SCFD2: variants seen among roughly 807,000 people sequenced by gnomAD.
SCFD2 encodes the protein sec1 family domain containing 2.
SCFD2 carries 54 observed loss-of-function variants against 58.9 expected under a neutral mutation model. The observed-to-expected ratio is 0.92, with a 90% CI of 0.74 to 1.15. The LOEUF (loss-of-function observed/expected upper bound fraction) is 1.15, where lower values mean the gene tolerates loss of function less well. Among genes scored for constraint, SCFD2 ranks in the 50% most tolerant of loss-of-function variants. SCFD2 has a pLI of 0.00. For synonymous variants in SCFD2, 321 were observed against 335.9 expected (o/e 0.96, Z 0.49); for missense variants, 805 against 836.6 (o/e 0.96, Z 0.47).
chr4:53,277,015 T>G (rs1731347117), intron 3 of SCFD2, among the ~76,000 whole-genome samples: 1 of 152,242 alleles, frequency 6.6e-6, no homozygotes, highest in Non-Finnish European at 1.5e-5. Flanking sequence ...TTTAATTAGG[T>G]TGTTTGTTTT....
At chr4:53,196,337 C>G (rs929223012) in intron 4 of SCFD2, among the ~76,000 whole-genome samples, 1 of 152,096 alleles carries the variant, frequency 6.6e-6, no homozygotes, top group African/African-American at 2.4e-5. Flanking sequence ...GTATGCTGTC[C>G]ATTTTACTCT....
chr4:53,301,373 A>G (rs1184637473), intron 3 of SCFD2, among the ~76,000 whole-genome samples: 2 of 152,134 alleles, frequency 1.3e-5, no homozygotes, highest in Non-Finnish European at 2.9e-5. Flanking sequence ...ATTCCTCAAC[A>G]CATACACTCT....
intron 4 of SCFD2, among the ~76,000 whole-genome samples, chr4:53,226,820 T>C (rs563605957): frequency 1.3e-5 from 2 of 152,242 alleles, no homozygotes; most frequent in South Asian, 4.2e-4. Flanking sequence ...AAAGAGAAGA[T>C]CACTGTGGCT....
intron 2 of SCFD2, among the ~76,000 whole-genome samples, chr4:53,336,118 T>C (rs1226107504): frequency 6.6e-6 from 1 of 152,152 alleles, no homozygotes; most frequent in Non-Finnish European, 1.5e-5. Context: ...CTCATAGAAA[T>C]AGGGTAATAT....
intron 3 of SCFD2, among the ~76,000 whole-genome samples, chr4:53,284,629 A>G (rs577009552): frequency 7.2e-5 from 11 of 152,246 alleles, no homozygotes; most frequent in Non-Finnish European, 1.2e-4. Context: ...ATAAATAAAT[A>G]GAAGAGAAAT....
At chr4:53,048,362 T>G (rs1206777172) in intron 5 of SCFD2, among the ~76,000 whole-genome samples, 1 of 151,918 alleles carries the variant, frequency 6.6e-6, no homozygotes, top group East Asian at 1.9e-4. Flanking sequence ...AATGAATAAA[T>G]AAGTACATAC....
chr4:52,971,055 C>A (rs1339691115), intron 5 of SCFD2, among the ~76,000 whole-genome samples: 1 of 152,108 alleles, frequency 6.6e-6, no homozygotes, highest in African/African-American at 2.4e-5. Flanking sequence ...GATAAATCCA[C>A]AAAGATGGGG....
intron 2 of SCFD2, among the ~76,000 whole-genome samples, chr4:53,334,026 A>T (rs950359608): frequency 6.6e-6 from 1 of 152,160 alleles, no homozygotes. Flanking sequence ...GCCATCAGAG[A>T]AATGCAAATC....
At chr4:53,277,655 A>G (rs1451909792) in intron 3 of SCFD2, among the ~76,000 whole-genome samples, 2 of 152,148 alleles carry the variant, frequency 1.3e-5, no homozygotes, top group Non-Finnish European at 2.9e-5. Context: ...TTTTAGAGAG[A>G]CTCCAGGAAA....
chr4:53,033,167 C>T (rs1722663554), intron 5 of SCFD2, among the ~76,000 whole-genome samples: 1 of 152,302 alleles, frequency 6.6e-6, no homozygotes, highest in South Asian at 2.1e-4. Context: ...AAGAAACTCA[C>T]TCAAAACTGC....
intron 5 of SCFD2, among the ~76,000 whole-genome samples, chr4:52,968,904 C>T (rs1043261515): frequency 5.3e-5 from 8 of 152,180 alleles, no homozygotes; most frequent in African/African-American, 1.7e-4. Flanking sequence ...GCTTCTGAAT[C>T]CTCTGCTAGG....
chr4:53,145,283 G>A, intron 5 of SCFD2, 50 bp downstream of exon 5: 1 of 1,594,954 alleles, frequency 6.3e-7, no homozygotes, highest in Non-Finnish European at 8.5e-7. Flanking sequence ...TTTGAAACCT[G>A]TTTCGTGTAT....
chr4:53,191,573 AT>A (rs1428302960), intron 4 of SCFD2, among the ~76,000 whole-genome samples: 1 of 151,732 alleles, frequency 6.6e-6, no homozygotes, highest in Non-Finnish European at 1.5e-5. Context: ...TGCCCAGCTA[AT>A]TTTTGTATTT....
At chr4:52,939,688 GGGTTTGGACTTAAGAGTACACT>G (rs907616054) in intron 5 of SCFD2, among the ~76,000 whole-genome samples, 3 of 151,732 alleles carry the variant, frequency 2.0e-5, no homozygotes, top group African/African-American at 7.3e-5. Flanking sequence ...GGGTAAGGAT[GGGTTTGGACTTAAGAGTACACT>G]CAAAGGAATG....
At chr4:53,076,656 GA>G (rs1363288277) in intron 5 of SCFD2, among the ~76,000 whole-genome samples, 1 of 151,872 alleles carries the variant, frequency 6.6e-6, no homozygotes, top group East Asian at 1.9e-4. Flanking sequence ...AAGCTGTGAG[GA>G]AAAAAGGACC....
chr4:53,267,317 A>G (rs867604957), intron 4 of SCFD2, among the ~76,000 whole-genome samples: 2 of 152,188 alleles, frequency 1.3e-5, no homozygotes, highest in South Asian at 2.1e-4. Flanking sequence ...CTACTTTCAA[A>G]CCAAAGCCTG....
At chr4:53,215,531 G>T (rs189259456) in intron 4 of SCFD2, among the ~76,000 whole-genome samples, 18,553 of 151,774 alleles carry the variant, frequency 0.12, 1,271 homozygotes, top group East Asian at 0.24. Flanking sequence ...CTTATCAGCT[G>T]AAGGAGATTT....
intron 4 of SCFD2, among the ~76,000 whole-genome samples, chr4:53,248,234 A>C (rs527796186): frequency 6.6e-6 from 1 of 152,344 alleles, no homozygotes; most frequent in Admixed American, 6.5e-5. Context: ...GAAACGGCGC[A>C]CCAGGAAATT....
intron 5 of SCFD2, among the ~76,000 whole-genome samples, chr4:53,103,534 T>C (rs1316212302): frequency 6.7e-6 from 1 of 148,758 alleles, no homozygotes; most frequent in Admixed American, 6.7e-5. Flanking sequence ...TATATTTTCA[T>C]GGTTTTTATA....
Sources: allele counts gnomAD v4.1 joint callset (sites outside exome capture counted in the v4.1 genomes callset), GRCh38; gene constraint gnomAD v4.1.1; transcripts MANE v1.5; gene names NCBI Gene and HGNC (gene_info 2026-07-23, HGNC 2026-07-21).